C2orf80: variants seen among roughly 807,000 people sequenced by gnomAD.
C2orf80 encodes uncharacterized protein C2orf80.
C2orf80 carries 28 observed loss-of-function variants against 30.2 expected under a neutral mutation model. The ratio of observed to expected loss-of-function variants is 0.93; its 90% CI spans 0.69 to 1.27. The LOEUF (loss-of-function observed/expected upper bound fraction) is 1.27, where lower values mean the gene tolerates loss of function less well. C2orf80 is among the 50% of genes most tolerant of loss of function. C2orf80 has a pLI of 0.00. For missense variants in C2orf80, 220 were observed against 231.0 expected (o/e 0.95, Z 0.31); for synonymous variants, 80 against 76.4 (o/e 1.05, Z -0.24).
intron 1 of C2orf80, among the ~76,000 whole-genome samples, chr2:208,187,557 C>T (rs1696753842): frequency 6.6e-6 from 1 of 152,106 alleles, no homozygotes; most frequent in Non-Finnish European, 1.5e-5. Context: ...CTTCAATTCC[C>T]ACCCCCACAT....
chr2:208,187,378 G>A (rs1227921010), intron 1 of C2orf80, among the ~76,000 whole-genome samples: 3 of 152,132 alleles, frequency 2.0e-5, no homozygotes, highest in Non-Finnish European at 2.9e-5. Flanking sequence ...CAAACTAGAT[G>A]GATGTGATCC....
Position 208,170,933 on chromosome 2 carries a change from T to C in C2orf80, c.573+12A>G. On this transcript the variant is annotated intron_variant, in intron 8 of 8. Transcript: ENST00000341287. ...GGTATCAGTTTGGTCCAATTTACAA[T>C]CTCACACCTACTTTGTGCTTTGGCT... is the stretch of plus-strand genomic sequence containing the variant. 1 of 1,606,752 alleles carries C rather than the reference T, an allele frequency of 6.2e-7. No homozygotes were observed. Among genetic ancestry groups the C allele is most frequent in the Non-Finnish European group, 8.5e-7 (1 of 1,173,354 alleles).
chr2:208,181,831 C>T (rs745417281), intron 4 of C2orf80, among the ~76,000 whole-genome samples: 2 of 152,004 alleles, frequency 1.3e-5, no homozygotes, highest in African/African-American at 2.4e-5. Context: ...CACCCTTCCC[C>T]GATAATGAAA....
At chr2:208,187,564 A>T (rs1250811600) in intron 1 of C2orf80, among the ~76,000 whole-genome samples, 6 of 152,154 alleles carry the variant, frequency 3.9e-5, no homozygotes, top group Non-Finnish European at 8.8e-5. Flanking sequence ...TCCCACCCCC[A>T]CATTGAACCA....
Position 208,184,995 on chromosome 2 carries a change from A to G in C2orf80, c.79T>C (p.Phe27Leu). The G allele has an allele frequency of 9.3e-6, 15 of 1,613,940 alleles. No homozygotes were observed. The highest frequency in any genetic ancestry group is 1.3e-5 in the Non-Finnish European group (15 of 1,179,942). The change falls in exon 3 of 9, where the codon TTT (phenylalanine) becomes CTT (leucine). Residue 27 changes from phenylalanine to leucine, a missense_variant. Transcript: ENST00000341287. Reference protein sequence around the residue: ...YIGIRLRENEFDPKGRRQLTF... With the variant: ...YIGIRLRENELDPKGRRQLTF... ...AGTTGCCGTCTTCCTTTTGGGTCAA[A>G]TTCATTTTCCCGAAGTCTGATGCCA...
intron 1 of C2orf80, 158 bp downstream of exon 1, chr2:208,189,795 G>A: frequency 1.6e-6 from 1 of 638,284 alleles, no homozygotes; most frequent in Admixed American, 2.9e-5. Flanking sequence ...TTCCCTAGAA[G>A]TCAGAGCCCC....
rs371295723 is a variant in C2orf80 at position 208,176,999 on chromosome 2, A to ATG, written c.366+3745_366+3746insCA. Among the ~76,000 whole-genome samples, 385 of 44,632 alleles carry ATG rather than the reference A, an allele frequency of 8.6e-3. 5 individuals are homozygous for ATG. The highest frequency in any genetic ancestry group is 0.017 in the Middle Eastern group (1 of 60). 29.3% of individuals were successfully genotyped at this position (44,632 alleles called of 152,430 possible). ...TATACAGAAATGTATATGTATACATATATACATATATACAGATACATATAT... is the reference window on the plus strand; with the variant it reads ...TATACAGAAATGTATATGTATACATATGTATACATATATACAGATACATATAT... On this transcript the variant is annotated intron_variant, in intron 6 of 8. Transcript: ENST00000341287.
chr2:208,180,167 A>T (rs1168885676), intron 6 of C2orf80, among the ~76,000 whole-genome samples: 6 of 152,096 alleles, frequency 3.9e-5, no homozygotes, highest in African/African-American at 1.2e-4. Flanking sequence ...GAAACAGAGC[A>T]GAGGTTGGCA....
intron 6 of C2orf80, among the ~76,000 whole-genome samples, chr2:208,174,675 A>T (rs532870956): frequency 1.4e-4 from 22 of 152,376 alleles, no homozygotes; most frequent in Admixed American, 1.1e-3. Context: ...GAAGACACAC[A>T]GCTAGCAAGT....
chr2:208,174,287 T>G (rs894584074), intron 6 of C2orf80, among the ~76,000 whole-genome samples: 8 of 152,122 alleles, frequency 5.3e-5, no homozygotes, highest in African/African-American at 1.9e-4. Context: ...GAACTTTTGT[T>G]TAAAACATAG....
At chr2:208,167,554 GTTTCCCAGAACA>G (rs1217528580) in intron 8 of C2orf80, among the ~76,000 whole-genome samples, 2 of 151,842 alleles carry the variant, frequency 1.3e-5, no homozygotes, top group African/African-American at 2.4e-5. Context: ...ACAAAAAACT[GTTTCCCAGAACA>G]CTGAGGGTTT....
intron 6 of C2orf80, among the ~76,000 whole-genome samples, chr2:208,180,211 A>G (rs1696509678): frequency 1.3e-5 from 2 of 152,112 alleles, no homozygotes; most frequent in African/African-American, 4.8e-5. Flanking sequence ...GTATTTTAGG[A>G]GGCCAAGGCA....
At chr2:208,179,754 C>T (rs1304278838) in intron 6 of C2orf80, among the ~76,000 whole-genome samples, 4 of 150,018 alleles carry the variant, frequency 2.7e-5, no homozygotes, top group African/African-American at 4.9e-5. Flanking sequence ...GGGAAAGGGA[C>T]GCATCTAGGG....
rs528571421 is a variant in C2orf80 at position 208,165,932 on chromosome 2, ATAGAT to A, written c.574-122_574-118del. ...ATCAGATACTAACTTACTGACAAAG[ATAGAT>A]TAGATTAATGTAATTACAAAGGAAT... On this transcript the variant is annotated intron_variant, in intron 8 of 8. Coordinates refer to ENST00000341287, the MANE Select transcript of C2orf80 (RefSeq NM_001099334.3). 1.4e-3 allele frequency: 896 copies of A among 625,498 alleles called. 1 individual carries two copies. Among genetic ancestry groups the A allele is most frequent in the Non-Finnish European group, 2.2e-3 (801 of 357,976 alleles). The allele number at this position is 625,498 out of a possible 1,614,324, so 38.7% of individuals were successfully genotyped here. A position where few individuals can be genotyped will look rare whatever the true frequency, so the allele number is the denominator to read the frequency against.
At chr2:208,187,992 A>G (rs773865372) in intron 1 of C2orf80, among the ~76,000 whole-genome samples, 11 of 152,060 alleles carry the variant, frequency 7.2e-5, no homozygotes, top group Non-Finnish European at 1.2e-4. Flanking sequence ...GGCCTCCTCT[A>G]TCAGATTTTG....
At chr2:208,182,229 G>A (rs1696583125) in intron 4 of C2orf80, among the ~76,000 whole-genome samples, 1 of 152,156 alleles carries the variant, frequency 6.6e-6, no homozygotes, top group South Asian at 2.1e-4. Context: ...AGAAAATGCT[G>A]GTAATCCCAG....
At chr2:208,189,077 A>G (rs1396483616) in intron 1 of C2orf80, among the ~76,000 whole-genome samples, 1 of 152,182 alleles carries the variant, frequency 6.6e-6, no homozygotes, top group Non-Finnish European at 1.5e-5. Context: ...TTACCCTAAC[A>G]TTCTGTAACT....
At chr2:208,173,594 C>T (rs1262123189) in intron 6 of C2orf80, among the ~76,000 whole-genome samples, 1 of 150,436 alleles carries the variant, frequency 6.6e-6, no homozygotes, top group Non-Finnish European at 1.5e-5. Context: ...CACTGCACTC[C>T]AGCCTGGGCG....
chr2:208,188,236 T>C (rs1196318002), intron 1 of C2orf80, among the ~76,000 whole-genome samples: 1 of 152,140 alleles, frequency 6.6e-6, no homozygotes, highest in Non-Finnish European at 1.5e-5. Context: ...GGATGTTCAT[T>C]ATACTACCCT....
Sources: gnomAD v4.1 joint callset for allele counts (sites outside exome capture counted in the v4.1 genomes callset) on GRCh38, gnomAD v4.1.1 for gene constraint, MANE v1.5 for transcripts, NCBI Gene and HGNC (gene_info 2026-07-23, HGNC 2026-07-21) for gene names.